NTM: variants seen among roughly 807,000 people sequenced by gnomAD.
NTM encodes IgLON family member 2.
Under a neutral mutation model 42.1 loss-of-function variants are expected in NTM, and 13 were observed. The observed-to-expected ratio is 0.31, with a 90% confidence interval of 0.20 to 0.49. The LOEUF is 0.49. Ranked by LOEUF, NTM falls within the 20% of genes least tolerant of loss-of-function variation. The pLI is 0.99. For missense variants in NTM, 373 were observed against 452.8 expected (o/e 0.82, Z 1.60); for synonymous variants, 187 against 179.2 (o/e 1.04, Z -0.35).
At chr11:132,232,879 G>C (rs565073216) in intron 4 of NTM, among the ~76,000 whole-genome samples, 1 of 152,334 alleles carries the variant, frequency 6.6e-6, no homozygotes, top group South Asian at 2.1e-4. Context: ...AAAAACGTAA[G>C]CGGCGTTTAT....
chr11:132,107,349 T>C (rs2062523394), intron 2 of NTM, among the ~76,000 whole-genome samples: 1 of 135,818 alleles, frequency 7.4e-6, no homozygotes, highest in Non-Finnish European at 1.6e-5. Flanking sequence ...CTTTTTTTTT[T>C]TTTTTTTTTT....
chr11:131,460,540 G>C (rs1313389358), intron 1 of NTM, among the ~76,000 whole-genome samples: 1 of 152,042 alleles, frequency 6.6e-6, no homozygotes, highest in Non-Finnish European at 1.5e-5. Flanking sequence ...CCAGGAGAGT[G>C]CTTTCTTTCT....
chr11:131,394,637 C>T (rs539560351), intron 1 of NTM, among the ~76,000 whole-genome samples: 2 of 152,296 alleles, frequency 1.3e-5, no homozygotes, highest in South Asian at 4.1e-4. Flanking sequence ...GAAAAGCTGG[C>T]ATCCTTTCAC....
intron 2 of NTM, among the ~76,000 whole-genome samples, chr11:132,093,531 T>C (rs182760332): frequency 6.6e-6 from 1 of 152,336 alleles, no homozygotes; most frequent in Non-Finnish European, 1.5e-5. Flanking sequence ...TGCTGCACTT[T>C]AGACATCAAC....
intron 1 of NTM, among the ~76,000 whole-genome samples, chr11:131,396,615 C>T (rs1944587985): frequency 1.3e-5 from 2 of 152,086 alleles, no homozygotes; most frequent in African/African-American, 4.8e-5. Flanking sequence ...AGGTGGATTA[C>T]TTGAGGTCAG....
At chr11:131,562,227 G>A (rs574917590) in intron 1 of NTM, among the ~76,000 whole-genome samples, 5 of 152,088 alleles carry the variant, frequency 3.3e-5, no homozygotes, top group South Asian at 2.1e-4. Flanking sequence ...TTTCTCATCC[G>A]CAGTGGGGGA....
intron 1 of NTM, among the ~76,000 whole-genome samples, chr11:131,486,963 G>T (rs1411849625): frequency 1.3e-5 from 2 of 152,138 alleles, no homozygotes; most frequent in Non-Finnish European, 2.9e-5. Flanking sequence ...AATATCTTTT[G>T]ATAACACATT....
At chr11:131,883,506 A>AC (rs2049881997) in intron 1 of NTM, among the ~76,000 whole-genome samples, 2 of 45,388 alleles carry the variant, frequency 4.4e-5, no homozygotes, top group Non-Finnish European at 6.1e-5. Flanking sequence ...AGGGAGAGAG[A>AC]AAAAACAGCA....
intron 1 of NTM, among the ~76,000 whole-genome samples, chr11:131,899,001 G>A (rs1384171363): frequency 2.0e-5 from 3 of 152,100 alleles, no homozygotes; most frequent in Admixed American, 6.5e-5. Flanking sequence ...TTCCCATCAC[G>A]CTCTAAAATG....
At chr11:131,758,635 C>G (rs1311048560) in intron 1 of NTM, among the ~76,000 whole-genome samples, 3 of 150,904 alleles carry the variant, frequency 2.0e-5, no homozygotes, top group African/African-American at 7.3e-5. Flanking sequence ...CTGTGTTGCC[C>G]AGGTTAGAGT....
chr11:131,893,258 G>A (rs1270502228), intron 1 of NTM, among the ~76,000 whole-genome samples: 2 of 152,180 alleles, frequency 1.3e-5, no homozygotes. Context: ...ATTTGAAAGT[G>A]AGAATGTAGG....
intron 1 of NTM, among the ~76,000 whole-genome samples, chr11:131,824,299 C>T (rs181809236): frequency 1.7e-4 from 26 of 152,272 alleles, no homozygotes; most frequent in Non-Finnish European, 3.8e-4. Flanking sequence ...AGTTCATTGT[C>T]CCCTACAACT....
At chr11:132,044,543 T>C (rs575825445) in intron 2 of NTM, among the ~76,000 whole-genome samples, 10 of 152,290 alleles carry the variant, frequency 6.6e-5, no homozygotes, top group African/African-American at 2.4e-4. Context: ...CATGAGTCCA[T>C]ATATTTTCTT....
intron 1 of NTM, among the ~76,000 whole-genome samples, chr11:131,556,000 C>T (rs185564728): frequency 2.6e-5 from 4 of 152,154 alleles, no homozygotes; most frequent in African/African-American, 9.7e-5. Flanking sequence ...TCCAAGGGAA[C>T]AGAGTCAATG....
chr11:131,863,643 A>C (rs1480130291), intron 1 of NTM, among the ~76,000 whole-genome samples: 1 of 152,194 alleles, frequency 6.6e-6, no homozygotes, highest in Admixed American at 6.5e-5. Context: ...GCAAACCATA[A>C]CATGGAAAGC....
intron 4 of NTM, among the ~76,000 whole-genome samples, chr11:132,219,459 A>G (rs544732599): frequency 6.6e-6 from 1 of 152,190 alleles, no homozygotes; most frequent in East Asian, 1.9e-4. Context: ...CTGATACTGT[A>G]GATGTAGTTT....
chr11:131,512,649 T>A (rs1176632622), intron 1 of NTM, among the ~76,000 whole-genome samples: 2 of 152,218 alleles, frequency 1.3e-5, no homozygotes, highest in East Asian at 3.9e-4. Flanking sequence ...CCTGAGCTGA[T>A]GGCAGCAGGG....
chr11:131,959,473 A>G (rs1434277707), intron 2 of NTM, among the ~76,000 whole-genome samples: 1 of 152,050 alleles, frequency 6.6e-6, no homozygotes, highest in Admixed American at 6.6e-5. Flanking sequence ...ACAAAATAAA[A>G]TAATTAAAAA....
At chr11:131,786,024 C>T (rs1428852253) in intron 1 of NTM, among the ~76,000 whole-genome samples, 1 of 152,148 alleles carries the variant, frequency 6.6e-6, no homozygotes, top group African/African-American at 2.4e-5. Flanking sequence ...AGGAGACAGA[C>T]AGAAGGCTAT....
Sources: allele counts gnomAD v4.1 joint callset (sites outside exome capture counted in the v4.1 genomes callset), GRCh38; gene constraint gnomAD v4.1.1; transcripts MANE v1.5; gene names NCBI Gene and HGNC (gene_info 2026-07-23, HGNC 2026-07-21).